The following PRKCA variants were observed in gnomAD, a reference collection of about 807,000 sequenced individuals.
PRKCA encodes the protein protein kinase C alpha, also known as protein kinase C alpha type.
Under a neutral mutation model 87.0 loss-of-function variants are expected in PRKCA, and 27 were observed. That is an observed-to-expected ratio of 0.31 (90% CI 0.23 to 0.43). The LOEUF is 0.43. Among genes scored for constraint, PRKCA ranks in the 20% least tolerant of loss-of-function variants. PRKCA has a pLI of 1.00. For synonymous variants in PRKCA, 329 were observed against 311.1 expected (o/e 1.06, Z -0.61); for missense variants, 518 against 852.3 (o/e 0.61, Z 4.88).
rs140302290 is a variant in PRKCA, at chr17:66,360,579, G to A, written c.205+54452G>A. On this transcript the variant is annotated intron_variant, in intron 2 of 16. Coordinates refer to ENST00000413366, the MANE Select transcript of PRKCA (RefSeq NM_002737.3). ...TCCGAAGGGCTCTTAAATGTTGCTT[G>A]TGGCAGCTGGGAACAGGGATACTAA... Among the ~76,000 whole-genome samples, 382 of 152,316 alleles carry A rather than the reference G, an allele frequency of 2.5e-3. 1 individual carries two copies. The highest frequency in any genetic ancestry group is 7.9e-3 in the African/African-American group (329 of 41,574).
intron 9 of PRKCA, among the ~76,000 whole-genome samples, chr17:66,734,049 C>A (rs898966704): frequency 3.9e-5 from 6 of 152,176 alleles, no homozygotes; most frequent in Admixed American, 2.0e-4. Flanking sequence ...AGTGGTTTAT[C>A]TTGTAGCTGT....
In PRKCA at chr17:66,427,097, T is replaced by G. The variant is rs369632296; in HGVS notation, c.206-69104T>G. Among the ~76,000 whole-genome samples, 61 of 152,256 alleles carry G rather than the reference T, an allele frequency of 4.0e-4. 1 individual carries two copies. The South Asian group carries it at 0.013, about 32-fold the overall frequency. On this transcript the variant is annotated intron_variant, in intron 2 of 16. Transcript: ENST00000413366. ...GTCTTCCAGGAGCATAGTGGTGCAGTCTTGGCTCACTGCAACCTCCACCTC... is the reference window on the plus strand; with the variant it reads ...GTCTTCCAGGAGCATAGTGGTGCAGGCTTGGCTCACTGCAACCTCCACCTC...
rs150468304 is a variant in PRKCA at position 66,743,145 on chromosome 17, G to A, written c.1524+385G>A. On this transcript the variant is annotated intron_variant, in intron 13 of 16. Transcript: ENST00000413366. ...GGAGTTCAAGACCAGCCTGGCCAAC[G>A]TGGTGAAACCCCATCTCTACTAAAA... is the stretch of plus-strand genomic sequence containing the variant. Among the ~76,000 whole-genome samples the A allele has an allele frequency of 1.4e-3, 213 of 152,222 alleles. 1 individual carries two copies. Among genetic ancestry groups the A allele is most frequent in the Admixed American group, 6.7e-3 (103 of 15,294 alleles).
At chr17:66,470,177 C>T (rs1159952096) in intron 2 of PRKCA, among the ~76,000 whole-genome samples, 2 of 146,506 alleles carry the variant, frequency 1.4e-5, no homozygotes, top group Non-Finnish European at 3.0e-5. Context: ...CTTAATGGAC[C>T]TGAACCAGTT....
intron 13 of PRKCA, among the ~76,000 whole-genome samples, chr17:66,769,035 G>T (rs1974872283): frequency 6.6e-6 from 1 of 152,146 alleles, no homozygotes; most frequent in Non-Finnish European, 1.5e-5. Flanking sequence ...AGTTTGAAAT[G>T]AGAATCCAGT....
At position 66,689,768 on chromosome 17, in the gene PRKCA, C is replaced by A. The variant is rs1972729394; in HGVS notation, c.918+721C>A. Among the ~76,000 whole-genome samples, 1 of 152,206 alleles carries A rather than the reference C, an allele frequency of 6.6e-6. No homozygotes were observed. The highest frequency in any genetic ancestry group is 6.5e-5 in the Admixed American group (1 of 15,274). ...GCACCTTCCTTATGTTTTAAAGGCA[C>A]AACTTCTAATATTTGTCTGTTTCTC... is the stretch of plus-strand genomic sequence containing the variant. On this transcript the variant is annotated intron_variant, in intron 8 of 16. Transcript: ENST00000413366. The surrounding 1 kb of genome is among the most constrained non-coding windows in gnomAD (Gnocchi z 4.1).
chr17:66,768,244 AT>A (rs148009151), intron 13 of PRKCA, among the ~76,000 whole-genome samples: 16,627 of 132,210 alleles, frequency 0.13, 876 homozygotes, highest in African/African-American at 0.17. Context: ...ATGCCCAGCC[AT>A]TTTTTTTTTT....
rs142838561 is a variant in PRKCA, at chr17:66,338,310, C to T, written c.205+32183C>T. Reference sequence around the variant, plus strand: ...CTGCCTGGCTCTAGACTGAAGACTTCAGTCCAATTTTCCGAATGGCCTCTT... The same window carrying T: ...CTGCCTGGCTCTAGACTGAAGACTTTAGTCCAATTTTCCGAATGGCCTCTT... On this transcript the variant is annotated intron_variant, in intron 2 of 16. Transcript: ENST00000413366. Among the ~76,000 whole-genome samples the T allele has an allele frequency of 3.8e-3, 573 of 152,172 alleles. 4 individuals are homozygous for T. The highest frequency in any genetic ancestry group is 0.013 in the African/African-American group (557 of 41,522).
At chr17:66,773,907 C>G in intron 13 of PRKCA, 80 bp from the exon 14 acceptor site, 1 of 1,594,916 alleles carries the variant, frequency 6.3e-7, no homozygotes. Context: ...TGTATAAATG[C>G]CTACCTGCTT....
intron 2 of PRKCA, among the ~76,000 whole-genome samples, chr17:66,463,498 C>A (rs913025367): frequency 6.6e-6 from 1 of 151,896 alleles, no homozygotes; most frequent in Non-Finnish European, 1.5e-5. Context: ...CAAGCTCAAG[C>A]GATTCTCCTG....
chr17:66,369,459 C>G (rs1041133459), intron 2 of PRKCA, among the ~76,000 whole-genome samples: 8 of 152,150 alleles, frequency 5.3e-5, no homozygotes, highest in African/African-American at 1.9e-4. Context: ...TCTTCCTGTC[C>G]TCTTATTAAA....
chr17:66,766,998 G>T lies in PRKCA; in HGVS notation c.1525-6989G>T, dbSNP rs191862311. ...TTCCAATAAATCATCTTAATCCTCTGGGCCCTTTGATTAATATTTCATTAA... is the reference window on the plus strand; with the variant it reads ...TTCCAATAAATCATCTTAATCCTCTTGGCCCTTTGATTAATATTTCATTAA... On this transcript the variant is annotated intron_variant, in intron 13 of 16. Transcript: ENST00000413366. Among the ~76,000 whole-genome samples, 21 of 151,962 alleles carry T rather than the reference G, an allele frequency of 1.4e-4. No homozygotes were observed. The East Asian group carries it at 3.9e-3, about 28-fold the overall frequency.
At chr17:66,801,103 C>A (rs942774076) in intron 16 of PRKCA, among the ~76,000 whole-genome samples, 2 of 152,216 alleles carry the variant, frequency 1.3e-5, no homozygotes, top group South Asian at 4.1e-4. Flanking sequence ...CTTGTGACTT[C>A]TGCCGCTTCT....
At chr17:66,363,293 C>T (rs1259632982) in intron 2 of PRKCA, among the ~76,000 whole-genome samples, 1 of 152,066 alleles carries the variant, frequency 6.6e-6, no homozygotes, top group Non-Finnish European at 1.5e-5. Flanking sequence ...GTTATTTTAC[C>T]ATAAGTTCAT....
rs542213616 is a variant in PRKCA, at chr17:66,705,103, T to C, written c.918+16056T>C. On this transcript the variant is annotated intron_variant, in intron 8 of 16. Transcript: ENST00000413366. ...AAACAAAAAAATCTATGTGCCCCAA[T>C]ATGCTCTCTGCTTTTTTGTCCCTAA... Among the ~76,000 whole-genome samples, 3 of 152,206 alleles carry C rather than the reference T, an allele frequency of 2.0e-5. No homozygotes were observed. In the East Asian group the frequency reaches 5.8e-4, roughly 29 times the overall value.
chr17:66,423,178 G>A (rs560205279), intron 2 of PRKCA, among the ~76,000 whole-genome samples: 5 of 152,138 alleles, frequency 3.3e-5, no homozygotes, highest in Non-Finnish European at 5.9e-5. Flanking sequence ...TAGCAAAAGC[G>A]TTGGGGATTG....
At chr17:66,359,569 G>A (rs1277062677) in intron 2 of PRKCA, among the ~76,000 whole-genome samples, 1 of 152,132 alleles carries the variant, frequency 6.6e-6, no homozygotes, top group Admixed American at 6.5e-5. Context: ...ATGTCTTGAG[G>A]TCATTGTCAT....
chr17:66,314,128 C>G (rs1378122610), intron 2 of PRKCA, among the ~76,000 whole-genome samples: 1 of 152,110 alleles, frequency 6.6e-6, no homozygotes, highest in Non-Finnish European at 1.5e-5. Context: ...CTGCAGAAAA[C>G]ATTCTTCAGA....
chr17:66,332,633 A>G (rs867191018), intron 2 of PRKCA, among the ~76,000 whole-genome samples: 1 of 152,048 alleles, frequency 6.6e-6, no homozygotes, highest in Non-Finnish European at 1.5e-5. Flanking sequence ...CATCATCCAC[A>G]TTAGGTCCAT....
Sources: gnomAD v4.1 joint callset for allele counts (sites outside exome capture counted in the v4.1 genomes callset) on GRCh38, gnomAD v4.1.1 for gene constraint, Gnocchi (gnomAD v3.1) non-coding constraint, MANE v1.5 for transcripts, NCBI Gene and HGNC (gene_info 2026-07-23, HGNC 2026-07-21) for gene names.